The following BMPR1B variants were observed in gnomAD, a reference collection of about 807,000 sequenced individuals.
The protein encoded by BMPR1B is bone morphogenetic protein receptor type 1B.
A neutral mutation model predicts 59.1 loss-of-function variants in BMPR1B; 12 were observed. That is an observed-to-expected ratio of 0.20 (90% confidence interval 0.13 to 0.33). BMPR1B has a LOEUF of 0.33. Ranked by LOEUF, BMPR1B falls within the 10% of genes least tolerant of loss-of-function variation. The pLI is 1.00. For synonymous variants in BMPR1B, 237 were observed against 207.3 expected, an observed-to-expected ratio of 1.14 and a Z score of -1.23; for missense variants, 550 against 610.9, an observed-to-expected ratio of 0.90 and a Z score of 1.05.
chr4:95,053,188 A>G lies in BMPR1B; in HGVS notation c.-17-51220A>G, dbSNP rs1488559305. On this transcript the variant is annotated intron_variant, in intron 3 of 12. Coordinates refer to ENST00000515059, the MANE Select transcript of BMPR1B (RefSeq NM_001203.3). ...AATGTCTTAATGTCTTATTTCTTCC[A>G]GTGAGGAAGTTGACATCCAGAGACA... 2.0e-5 allele frequency among the ~76,000 whole-genome samples: 3 copies of G among 152,060 alleles called. No individual in the cohort carries two copies. In the South Asian group the frequency reaches 6.2e-4, roughly 32 times the overall value.
intron 6 of BMPR1B, among the ~76,000 whole-genome samples, chr4:95,120,215 C>T (rs991914454): frequency 2.6e-5 from 4 of 152,312 alleles, no homozygotes; most frequent in Admixed American, 6.5e-5. Flanking sequence ...TCTTTTATGG[C>T]TGCGTAGTAT....
rs1731391361 is a variant in BMPR1B at position 95,108,790 on chromosome 4, CT to C, written c.143+4224del. Reference sequence around the variant, plus strand: ...GGGGTAAAGCCATTGTCCTCTCTCCCTCGAGATACCATCTGTTTTCTAAATA... The same window carrying C: ...GGGGTAAAGCCATTGTCCTCTCTCCCCGAGATACCATCTGTTTTCTAAATA... On this transcript the variant is annotated intron_variant, in intron 4 of 12. Transcript: ENST00000515059. Among the ~76,000 whole-genome samples, 5 of 152,184 alleles carry C rather than the reference CT, an allele frequency of 3.3e-5. No homozygotes were observed. In the East Asian group the frequency reaches 5.8e-4, roughly 18 times the overall value.
chr4:94,767,696 GA>G (rs1722021816), intron 1 of BMPR1B, among the ~76,000 whole-genome samples: 1 of 152,086 alleles, frequency 6.6e-6, no homozygotes, highest in Admixed American at 6.5e-5. Flanking sequence ...AACCAATTTG[GA>G]AAATGATCTT....
intron 8 of BMPR1B, among the ~76,000 whole-genome samples, chr4:95,125,776 G>A (rs761864030): frequency 3.9e-5 from 6 of 151,990 alleles, no homozygotes; most frequent in Non-Finnish European, 7.4e-5. Flanking sequence ...CATTACTGTG[G>A]AGTTCTTTCT....
At chr4:94,804,777 C>T (rs898148596) in intron 1 of BMPR1B, among the ~76,000 whole-genome samples, 2 of 152,200 alleles carry the variant, frequency 1.3e-5, no homozygotes, top group South Asian at 4.1e-4. Flanking sequence ...TATTTTGTAA[C>T]ACGTATGCCT....
chr4:94,947,328 C>T (rs1397269783), intron 2 of BMPR1B, among the ~76,000 whole-genome samples: 2 of 152,172 alleles, frequency 1.3e-5, no homozygotes, highest in Non-Finnish European at 2.9e-5. Context: ...GCTTAACACC[C>T]TTTACATGTG....
Position 95,104,511 on chromosome 4 carries a change from C to G in BMPR1B, c.87C>G (p.Val29=). Residue 29 remains valine, a synonymous_variant, in exon 4 of 13, where the codon GTC becomes GTG. Coordinates refer to ENST00000515059, the MANE Select transcript of BMPR1B (RefSeq NM_001203.3). ...ESTAPTPRPK[V]LRCKCHHHCP... is the part of the protein sequence containing the mutation. ...CAGCCCCCACCCCCCGTCCAAAGGT[C>G]TTGCGTTGTAAATGCCACCACCATT... The G allele has an allele frequency of 6.2e-7, 1 of 1,613,480 alleles. No homozygotes were observed. Among genetic ancestry groups the G allele is most frequent in the Non-Finnish European group, 8.5e-7 (1 of 1,179,652 alleles).
intron 11 of BMPR1B, among the ~76,000 whole-genome samples, chr4:95,149,294 C>G (rs534870340): frequency 1.3e-5 from 2 of 152,222 alleles, no homozygotes; most frequent in East Asian, 3.9e-4. Context: ...GGGCCCCATC[C>G]CCAACTCCAT....
At chr4:94,924,045 A>G (rs1377597632) in intron 2 of BMPR1B, among the ~76,000 whole-genome samples, 6 of 152,050 alleles carry the variant, frequency 3.9e-5, no homozygotes, top group Admixed American at 3.9e-4. Flanking sequence ...GGGGACTGTG[A>G]TGTTCTCTTT....
At chr4:95,118,848 G>A (rs911233903) in intron 6 of BMPR1B, among the ~76,000 whole-genome samples, 7 of 152,130 alleles carry the variant, frequency 4.6e-5, no homozygotes, top group Admixed American at 6.5e-5. Context: ...GAGAAGACAA[G>A]GAGGCTGCCG....
intron 3 of BMPR1B, among the ~76,000 whole-genome samples, chr4:95,076,151 C>T (rs934814049): frequency 1.3e-5 from 2 of 152,084 alleles, no homozygotes; most frequent in African/African-American, 2.4e-5. Flanking sequence ...CCTCATTTCA[C>T]TGTATGTGTA....
chr4:94,806,869 C>A (rs1055687587), intron 1 of BMPR1B, among the ~76,000 whole-genome samples: 2 of 151,924 alleles, frequency 1.3e-5, no homozygotes, highest in Non-Finnish European at 2.9e-5. Flanking sequence ...TTTGGCAAAT[C>A]TGGGGACTGA....
At chr4:95,104,617 T>C (rs777090384) in intron 4 of BMPR1B, 50 bp downstream of exon 4, 1 of 1,603,952 alleles carries the variant, frequency 6.2e-7, no homozygotes, top group Admixed American at 1.7e-5. Context: ...AGTCACACTT[T>C]TTCAACTATG....
chr4:94,916,726 T>G (rs139003617), intron 2 of BMPR1B, among the ~76,000 whole-genome samples: 114 of 152,274 alleles, frequency 7.5e-4, no homozygotes, highest in African/African-American at 2.7e-3. Flanking sequence ...GGAAGAAGAA[T>G]TCAAGCAGGC....
intron 2 of BMPR1B, among the ~76,000 whole-genome samples, chr4:94,964,750 AGGCCCT>A (rs1284655768): frequency 6.6e-6 from 1 of 152,186 alleles, no homozygotes; most frequent in Non-Finnish European, 1.5e-5. Context: ...GTTTTTCATC[AGGCCCT>A]GCCTGTAGCT....
intron 1 of BMPR1B, among the ~76,000 whole-genome samples, chr4:94,823,960 A>T (rs1724296895): frequency 6.6e-6 from 1 of 152,036 alleles, no homozygotes; most frequent in African/African-American, 2.4e-5. Flanking sequence ...GTTAGCCAGG[A>T]TGGTCTCAAT....
At chr4:94,920,341 CTTAT>C (rs1728641548) in intron 2 of BMPR1B, among the ~76,000 whole-genome samples, 1 of 152,020 alleles carries the variant, frequency 6.6e-6, no homozygotes, top group African/African-American at 2.4e-5. Context: ...TATTGAAATG[CTTAT>C]TGTCTCTTGT....
intron 8 of BMPR1B, among the ~76,000 whole-genome samples, chr4:95,126,117 G>T (rs569623057): frequency 1.3e-5 from 2 of 152,130 alleles, no homozygotes; most frequent in African/African-American, 2.4e-5. Flanking sequence ...TTTATCTTCT[G>T]TGATAACATT....
intron 2 of BMPR1B, among the ~76,000 whole-genome samples, chr4:94,987,055 TATATATA>T (rs1721454988): frequency 1.4e-5 from 2 of 142,164 alleles, no homozygotes; most frequent in African/African-American, 5.2e-5. Context: ...AAAATATATA[TATATATA>T]ATATATAATA....
Sources: allele counts gnomAD v4.1 joint callset (sites outside exome capture counted in the v4.1 genomes callset), GRCh38; gene constraint gnomAD v4.1.1; transcripts MANE v1.5; gene names NCBI Gene and HGNC (gene_info 2026-07-23, HGNC 2026-07-21).